The following ADK variants were observed in gnomAD, a reference collection of about 807,000 sequenced individuals.
The protein encoded by ADK is adenosine kinase.
A neutral mutation model predicts 44.7 loss-of-function variants in ADK; 24 were observed. That is an observed-to-expected ratio of 0.54 (90% CI 0.39 to 0.76). The LOEUF (loss-of-function observed/expected upper bound fraction) is 0.76. Ranked by LOEUF, ADK falls within the 30% of genes least tolerant of loss-of-function variation. ADK has a pLI of 0.00. For synonymous variants in ADK, 128 were observed against 142.6 expected, an observed-to-expected ratio of 0.90 and a Z score of 0.73; for missense variants, 321 against 425.1, an observed-to-expected ratio of 0.76 and a Z score of 2.15.
intron 1 of ADK, among the ~76,000 whole-genome samples, chr10:74,188,337 T>C (rs746116752): frequency 1.9e-4 from 26 of 137,610 alleles, no homozygotes; most frequent in Non-Finnish European, 2.6e-4. Flanking sequence ...TGGACATGTA[T>C]TTTTAATTTT....
intron 10 of ADK, among the ~76,000 whole-genome samples, chr10:74,694,476 G>C (rs970263576): frequency 2.6e-5 from 4 of 151,912 alleles, no homozygotes; most frequent in Non-Finnish European, 5.9e-5. Flanking sequence ...GGGGTTTTGG[G>C]GTTTTTTGTT....
At chr10:74,318,229 A>T (rs948416913) in intron 4 of ADK, among the ~76,000 whole-genome samples, 2 of 152,198 alleles carry the variant, frequency 1.3e-5, no homozygotes. Context: ...TGGTGTGATC[A>T]TAGCTCACTC....
chr10:74,488,375 G>A (rs1847344868), intron 6 of ADK, among the ~76,000 whole-genome samples: 1 of 71,388 alleles, frequency 1.4e-5, no homozygotes, highest in Non-Finnish European at 2.6e-5. Context: ...GAAAAAAGAC[G>A]TGTGTGTGTG....
intron 2 of ADK, among the ~76,000 whole-genome samples, chr10:74,219,321 A>C (rs569393319): frequency 0.049 from 7,502 of 152,190 alleles, 638 homozygotes; most frequent in African/African-American, 0.17. Flanking sequence ...AGAGCTAACT[A>C]TCCTAAATAT....
At chr10:74,188,719 A>G (rs11000912) in intron 1 of ADK, among the ~76,000 whole-genome samples, 7 of 151,810 alleles carry the variant, frequency 4.6e-5, no homozygotes, top group Non-Finnish European at 7.4e-5. Flanking sequence ...AGAAGTTTAG[A>G]TTATTGTTTT....
intron 3 of ADK, among the ~76,000 whole-genome samples, chr10:74,232,858 T>C (rs1481240455): frequency 6.6e-6 from 1 of 152,054 alleles, no homozygotes; most frequent in Non-Finnish European, 1.5e-5. Flanking sequence ...ACTCCTGACC[T>C]CGTGATCCAC....
intron 3 of ADK, among the ~76,000 whole-genome samples, chr10:74,256,062 T>C (rs1845812552): frequency 6.6e-6 from 1 of 152,220 alleles, no homozygotes; most frequent in African/African-American, 2.4e-5. Flanking sequence ...ACAGTGGCGA[T>C]AGGCTTAAGC....
At chr10:74,441,023 G>A (rs893596414) in intron 6 of ADK, among the ~76,000 whole-genome samples, 1 of 152,060 alleles carries the variant, frequency 6.6e-6, no homozygotes, top group Non-Finnish European at 1.5e-5. Flanking sequence ...ATATGTGAAG[G>A]TCTCCTCAGC....
Position 74,505,161 on chromosome 10 carries a change from G to A in ADK, c.556-20095G>A, listed in dbSNP as rs570959959. Among the ~76,000 whole-genome samples, 101 of 152,130 alleles carry A rather than the reference G, an allele frequency of 6.6e-4. 1 individual carries two copies. Among genetic ancestry groups the A allele is most frequent in the Middle Eastern group, 3.4e-3 (1 of 294 alleles). On this transcript the variant is annotated intron_variant, in intron 6 of 10. Coordinates refer to ENST00000539909, the MANE Select transcript of ADK (RefSeq NM_006721.4). Reference sequence around the variant, plus strand: ...ACTCAGTGTAACTTTACAGAAATACGTTGTAATTTCTGTCTTATTTTTCAT... The same window carrying A: ...ACTCAGTGTAACTTTACAGAAATACATTGTAATTTCTGTCTTATTTTTCAT...
chr10:74,185,847 A>G (rs1842735859), intron 1 of ADK, among the ~76,000 whole-genome samples: 1 of 146,168 alleles, frequency 6.8e-6, no homozygotes, highest in African/African-American at 2.6e-5. Context: ...AAAAAGAAAA[A>G]AAAAAAAAAA....
intron 10 of ADK, among the ~76,000 whole-genome samples, chr10:74,699,493 C>A (rs533573501): frequency 3.9e-5 from 6 of 152,094 alleles, no homozygotes; most frequent in African/African-American, 1.4e-4. Flanking sequence ...GCCTGGCCAA[C>A]ATGGTGAAAC....
intron 6 of ADK, among the ~76,000 whole-genome samples, chr10:74,519,142 A>C (rs1260582697): frequency 2.6e-5 from 4 of 152,076 alleles, no homozygotes; most frequent in Middle Eastern, 3.4e-3. Context: ...ATTAGACATA[A>C]AAATTATTAG....
Position 74,493,746 on chromosome 10 carries a change from A to T in ADK, c.556-31510A>T, listed in dbSNP as rs371244208. Among the ~76,000 whole-genome samples, 134 of 152,242 alleles carry T rather than the reference A, an allele frequency of 8.8e-4. 4 individuals are homozygous for T. The South Asian group carries it at 0.027, about 31-fold the overall frequency. The stretch of plus-strand genomic sequence containing the variant: ...GTATCTACTTTTCAGTTGAAGAAAT[A>T]GATCATTTTAAAGATCTTTGAAAGG... On this transcript the variant is annotated intron_variant, in intron 6 of 10. Coordinates refer to ENST00000539909, the MANE Select transcript of ADK (RefSeq NM_006721.4).
chr10:74,296,680 T>A (rs1176274688), intron 3 of ADK, among the ~76,000 whole-genome samples: 11 of 151,680 alleles, frequency 7.3e-5, no homozygotes, highest in African/African-American at 2.7e-4. Flanking sequence ...GGCGCCATCT[T>A]GGCTCACTGC....
chr10:74,581,568 G>T (rs1053848924), intron 7 of ADK, among the ~76,000 whole-genome samples: 3 of 151,772 alleles, frequency 2.0e-5, no homozygotes, highest in Non-Finnish European at 4.4e-5. Context: ...AATCCAAAAA[G>T]CTCAACAAAC....
intron 3 of ADK, among the ~76,000 whole-genome samples, chr10:74,243,295 C>G (rs1845294990): frequency 6.6e-6 from 1 of 152,174 alleles, no homozygotes; most frequent in Non-Finnish European, 1.5e-5. Flanking sequence ...CTAACATGCT[C>G]CCTCCTGCAG....
At chr10:74,241,269 G>T (rs921502012) in intron 3 of ADK, among the ~76,000 whole-genome samples, 7 of 152,212 alleles carry the variant, frequency 4.6e-5, no homozygotes, top group Admixed American at 1.3e-4. Context: ...AAGATACAGA[G>T]ATTTCCCATA....
chr10:74,695,123 CACTGCATTTATTATT>C (rs1164611164), intron 10 of ADK, among the ~76,000 whole-genome samples: 1 of 152,140 alleles, frequency 6.6e-6, no homozygotes, highest in Non-Finnish European at 1.5e-5. Flanking sequence ...TGCCAACAAA[CACTGCATTTATTATT>C]ATAGATTTTT....
At chr10:74,308,908 A>G (rs1592024764) in intron 3 of ADK, among the ~76,000 whole-genome samples, 2 of 152,134 alleles carry the variant, frequency 1.3e-5, no homozygotes, top group East Asian at 3.9e-4. Context: ...GAAATAAGTT[A>G]GTGGCTTTAG....
Sources: allele counts gnomAD v4.1 joint callset (sites outside exome capture counted in the v4.1 genomes callset), GRCh38; gene constraint gnomAD v4.1.1; transcripts MANE v1.5; gene names NCBI Gene and HGNC (gene_info 2026-07-23, HGNC 2026-07-21).